TSPEAR: variants seen among roughly 807,000 people sequenced by gnomAD.
TSPEAR encodes the protein thrombospondin-type laminin G domain and EAR repeat-containing protein.
Under a neutral mutation model 71.6 loss-of-function variants are expected in TSPEAR, and 69 were observed. The ratio of observed to expected loss-of-function variants is 0.96; its 90% CI spans 0.79 to 1.18. The LOEUF (loss-of-function observed/expected upper bound fraction) is 1.18, where lower values mean the gene tolerates loss of function less well. Among genes scored for constraint, TSPEAR ranks in the 50% most tolerant of loss-of-function variants. The pLI, the probability that TSPEAR is intolerant of heterozygous loss-of-function variation, is 0.00. For missense variants in TSPEAR, 971 were observed against 894.9 expected (o/e 1.09, Z -1.09); for synonymous variants, 402 against 387.2 (o/e 1.04, Z -0.45).
rs75522623 is a variant in TSPEAR at position 44,579,846 on chromosome 21, A to C, written c.83-11841T>G. The C allele has an allele frequency of 1.3e-3, 2,055 of 1,595,208 alleles. 23 individuals carry two copies. The African/African-American group carries it at 0.023, about 18-fold the overall frequency. ...CGGCAGCAGCTGGCCTGGTAGGAGG[A>C]GGCAGGGGCACAGCAGGAGGAGATG... On this transcript the variant is annotated intron_variant, in intron 1 of 11. Transcript: ENST00000323084.
Position 44,592,585 on chromosome 21 carries a change from T to G in TSPEAR, c.83-24580A>C, listed in dbSNP as rs587759762. 5.2e-5 allele frequency: 79 copies of G among 1,509,150 alleles called. No homozygotes were observed. The South Asian group carries it at 1.0e-3, about 20-fold the overall frequency. The allele number at this position is 1,509,150 out of a possible 1,614,324, so 93.5% of individuals were successfully genotyped here. A position where few individuals can be genotyped will look rare whatever the true frequency, so the allele number is the denominator to read the frequency against. On this transcript the variant is annotated intron_variant, in intron 1 of 11. Coordinates refer to ENST00000323084, the MANE Select transcript of TSPEAR (RefSeq NM_144991.3). ...GCCTTGTTGTCCCCGGGCCCACAGC[T>G]TCCCCTTCCGTGTTGCCGAGAGCTG... is the stretch of plus-strand genomic sequence containing the variant.
Position 44,612,049 on chromosome 21 carries a change from C to A in TSPEAR, c.83-44044G>T. The A allele has an allele frequency of 6.4e-7, 1 of 1,569,926 alleles. No homozygotes were observed. Among genetic ancestry groups the A allele is most frequent in the Non-Finnish European group, 8.7e-7 (1 of 1,150,398 alleles). On this transcript the variant is annotated intron_variant, in intron 1 of 11. Transcript: ENST00000323084. The surrounding 1 kb of genome is among the most constrained non-coding windows in gnomAD (Gnocchi z 4.1). ...ATAAAACCTCAGCAGCCAGGGCACA[C>A]AAACCCACACACCTCACACCAGCAC... is the stretch of plus-strand genomic sequence containing the variant.
intron 2 of TSPEAR, chr21:44,551,010 C>A (rs1555918667): frequency 3.7e-6 from 6 of 1,610,450 alleles, no homozygotes; most frequent in Non-Finnish European, 5.1e-6. Flanking sequence ...GGGCACGCAG[C>A]ACACAGCTTT....
rs782774673 is a variant in TSPEAR at position 44,637,563 on chromosome 21, C to T, written c.83-69558G>A. The T allele has an allele frequency of 5.6e-6, 9 of 1,613,614 alleles. No individual in the cohort carries two copies. The African/African-American group carries it at 6.7e-5, about 12-fold the overall frequency. On this transcript the variant is annotated intron_variant, in intron 1 of 11. Coordinates refer to ENST00000323084, the MANE Select transcript of TSPEAR (RefSeq NM_144991.3). The stretch of plus-strand genomic sequence containing the variant: ...GTCTGCACCCCAGTGAGCTGTGTGT[C>T]CAGCCCCTGCTGCCAGACGGCCTGT...
chr21:44,633,763 C>T (rs587658443), intron 1 of TSPEAR, among the ~76,000 whole-genome samples: 4 of 152,094 alleles, frequency 2.6e-5, no homozygotes, highest in African/African-American at 9.6e-5. Context: ...TTCTCTATTT[C>T]GTTATTGATC....
chr21:44,501,172 G>A (rs1331226703), intron 11 of TSPEAR, among the ~76,000 whole-genome samples: 3 of 152,214 alleles, frequency 2.0e-5, no homozygotes, highest in Admixed American at 6.5e-5. Flanking sequence ...ATTTATGGCC[G>A]GGCGGGGTGG....
chr21:44,651,031 C>T (rs1453004682), intron 1 of TSPEAR, among the ~76,000 whole-genome samples: 3 of 152,172 alleles, frequency 2.0e-5, no homozygotes, highest in Non-Finnish European at 4.4e-5. Flanking sequence ...TGGACTCAGG[C>T]TCTGCAGTAG....
chr21:44,560,849 T>C (rs1261992811), intron 2 of TSPEAR, among the ~76,000 whole-genome samples: 4 of 152,052 alleles, frequency 2.6e-5, no homozygotes, highest in Non-Finnish European at 5.9e-5. Flanking sequence ...ACAGGGAAAT[T>C]TATAGCACTA....
chr21:44,526,075 C>T (rs1298723069), intron 7 of TSPEAR: 1 of 423,870 alleles, frequency 2.4e-6, no homozygotes, highest in Non-Finnish European at 4.2e-6. Flanking sequence ...AATATTTCCA[C>T]TTCTATTGCT....
intron 11 of TSPEAR, among the ~76,000 whole-genome samples, chr21:44,503,201 G>A (rs147548451): frequency 8.6e-5 from 12 of 139,332 alleles, no homozygotes; most frequent in African/African-American, 2.2e-4. Context: ...GAGCCCACAG[G>A]GGGGAAGCAA....
At position 44,697,328 on chromosome 21, in the gene TSPEAR, G is replaced by A. The variant is rs199900483; in HGVS notation, c.82+14105C>T. On this transcript the variant is annotated intron_variant, in intron 1 of 11. Coordinates refer to ENST00000323084, the MANE Select transcript of TSPEAR (RefSeq NM_144991.3). Reference sequence around the variant, plus strand: ...GAGCTGCTGTGAGCCCCCCTGCTGCGCCCCGGCCCCCTGCCTGAGCCTGGT... The same window carrying A: ...GAGCTGCTGTGAGCCCCCCTGCTGCACCCCGGCCCCCTGCCTGAGCCTGGT... 312 of 1,613,064 alleles carry A rather than the reference G, an allele frequency of 1.9e-4. 1 individual carries two copies. Among genetic ancestry groups the A allele is most frequent in the Non-Finnish European group, 2.4e-4 (286 of 1,179,962 alleles).
chr21:44,636,017 T>A (rs1175726655), intron 1 of TSPEAR, among the ~76,000 whole-genome samples: 1 of 152,138 alleles, frequency 6.6e-6, no homozygotes, highest in Admixed American at 6.5e-5. Flanking sequence ...AAATTTTTAG[T>A]CTTCTATTCA....
At chr21:44,533,639 A>T in intron 3 of TSPEAR, 46 bp downstream of exon 3, 1 of 1,494,410 alleles carries the variant, frequency 6.7e-7, no homozygotes, top group South Asian at 1.2e-5. Flanking sequence ...CTGGCCTGGC[A>T]GGACTCTGAG....
intron 1 of TSPEAR, among the ~76,000 whole-genome samples, chr21:44,638,881 C>T (rs1983847828): frequency 6.6e-6 from 1 of 152,092 alleles, no homozygotes; most frequent in Non-Finnish European, 1.5e-5. Context: ...ACCCAGCAGC[C>T]TCACCCCTCC....
chr21:44,540,927 T>C (rs1971441173), intron 2 of TSPEAR, among the ~76,000 whole-genome samples: 1 of 152,206 alleles, frequency 6.6e-6, no homozygotes, highest in Non-Finnish European at 1.5e-5. Flanking sequence ...AGCTTTATGA[T>C]GTGCTTCAAC....
intron 2 of TSPEAR, chr21:44,540,274 C>T: frequency 6.8e-7 from 1 of 1,470,898 alleles, no homozygotes; most frequent in Non-Finnish European, 9.2e-7. Flanking sequence ...CTTTTATACC[C>T]CTTCTGGCCT....
rs782232996 is a variant in TSPEAR at position 44,533,707 on chromosome 21, C to G, written c.520G>C (p.Asp174His). ...VSAGVFSLTT[D>H]CGLPVDIMAD... Reference sequence around the variant, plus strand: ...TACATGTCCACCGGGAGGCCGCAGTCCGTGGTGAGGGAGAAGACGCCTGCG... The same window carrying G: ...TACATGTCCACCGGGAGGCCGCAGTGCGTGGTGAGGGAGAAGACGCCTGCG... Residue 174 changes from aspartate to histidine, a missense_variant, in exon 3 of 12, where the codon GAC becomes CAC. Asp to His is a moderately conservative substitution (Grantham distance 81). Coordinates refer to ENST00000323084, the MANE Select transcript of TSPEAR (RefSeq NM_144991.3). 1 of 1,610,346 alleles carries G rather than the reference C, an allele frequency of 6.2e-7. No individual in the cohort carries two copies. The highest frequency in any genetic ancestry group is 1.7e-5 in the Admixed American group (1 of 59,958).
At chr21:44,582,734 T>C (rs1305404309) in intron 1 of TSPEAR, among the ~76,000 whole-genome samples, 4 of 152,178 alleles carry the variant, frequency 2.6e-5, no homozygotes, top group African/African-American at 9.7e-5. Flanking sequence ...ATCATGGAAA[T>C]TTTCACTGGG....
At chr21:44,579,883 G>A (rs1379564935) in intron 1 of TSPEAR, 2 of 1,600,236 alleles carry the variant, frequency 1.2e-6, no homozygotes, top group Admixed American at 3.4e-5. Context: ...GCAGGCAGCA[G>A]GCGGGCCTGC....
Sources: gnomAD v4.1 joint callset for allele counts (sites outside exome capture counted in the v4.1 genomes callset) on GRCh38, gnomAD v4.1.1 for gene constraint, Gnocchi (gnomAD v3.1) non-coding constraint, MANE v1.5 for transcripts, NCBI Gene and HGNC (gene_info 2026-07-23, HGNC 2026-07-21) for gene names.